The following COL21A1 variants were observed in gnomAD, a reference collection of about 807,000 sequenced individuals.
COL21A1 encodes collagen type XXI alpha 1 chain.
A neutral mutation model predicts 137.9 loss-of-function variants in COL21A1; 149 were observed. That is an observed-to-expected ratio of 1.08 (90% confidence interval 0.95 to 1.24). The LOEUF is 1.24. Ranked by LOEUF, COL21A1 falls within the 50% of genes most tolerant of loss-of-function variation. The pLI, the probability that COL21A1 is intolerant of heterozygous loss-of-function variation, is 0.00. For missense variants in COL21A1, 1,167 were observed against 1,158.4 expected, an observed-to-expected ratio of 1.01 and a Z score of -0.11; for synonymous variants, 456 against 391.5, an observed-to-expected ratio of 1.16 and a Z score of -1.95.
At chr6:56,241,293 C>T (rs1423982915) in intron 1 of COL21A1, among the ~76,000 whole-genome samples, 6 of 152,178 alleles carry the variant, frequency 3.9e-5, no homozygotes, top group Non-Finnish European at 8.8e-5. Flanking sequence ...AGATCACTCT[C>T]TGTAAGCCAG....
chr6:56,064,750 A>G lies in COL21A1; in HGVS notation c.2128-128T>C, dbSNP rs961676780. ...ACAAAAGCAGCGATACAAATATATAAATTATGTGAGAGATGGGAAAATCAG... is the reference window on the plus strand; with the variant it reads ...ACAAAAGCAGCGATACAAATATATAGATTATGTGAGAGATGGGAAAATCAG... On this transcript the variant is annotated intron_variant, in intron 23 of 29. Coordinates refer to ENST00000244728, the MANE Select transcript of COL21A1 (RefSeq NM_030820.4). The G allele has an allele frequency of 7.6e-6, 4 of 528,230 alleles. No homozygotes were observed. The East Asian group carries it at 1.3e-4, about 18-fold the overall frequency. 32.7% of individuals were successfully genotyped at this position (528,230 alleles called of 1,614,324 possible).
intron 17 of COL21A1, among the ~76,000 whole-genome samples, chr6:56,090,179 C>T (rs1768665569): frequency 1.3e-5 from 2 of 152,172 alleles, no homozygotes; most frequent in Admixed American, 6.5e-5. Flanking sequence ...GCAGAGGTTG[C>T]AGTGAGTCAA....
chr6:56,151,816 C>T (rs1315053702), intron 10 of COL21A1, among the ~76,000 whole-genome samples: 2 of 152,330 alleles, frequency 1.3e-5, no homozygotes, highest in South Asian at 2.1e-4. Context: ...CCACTGGGTG[C>T]TGGCCTTGAA....
intron 1 of COL21A1, among the ~76,000 whole-genome samples, chr6:56,391,650 T>C (rs909740049): frequency 2.0e-5 from 3 of 152,162 alleles, no homozygotes; most frequent in Non-Finnish European, 4.4e-5. Flanking sequence ...GAGACCATTA[T>C]GAGCAACCAC....
At chr6:56,314,822 T>C (rs535240152) in intron 1 of COL21A1, among the ~76,000 whole-genome samples, 2 of 152,302 alleles carry the variant, frequency 1.3e-5, no homozygotes, top group East Asian at 3.9e-4. Flanking sequence ...GTTTCCCTTG[T>C]AATTTTGAAT....
Position 56,141,970 on chromosome 6 carries a change from A to AT in COL21A1, c.1447dup (p.Ile483AsnfsTer31). 1 of 1,534,466 alleles carries AT rather than the reference A, an allele frequency of 6.5e-7. No individual in the cohort carries two copies. The highest frequency in any genetic ancestry group is 8.8e-7 in the Non-Finnish European group (1 of 1,135,378). On this transcript the variant is annotated frameshift_variant, in exon 11 of 30. Transcript: ENST00000244728. LOFTEE classifies it high-confidence loss of function. ...TCCTGGAACACCTGGTGTCCCTGCAATTCCCTGATATCCCTAAAGAAAAAT... is the reference window on the plus strand; with the variant it reads ...TCCTGGAACACCTGGTGTCCCTGCAATTTCCCTGATATCCCTAAAGAAAAAT...
At chr6:56,204,402 T>C (rs1000814235) in intron 1 of COL21A1, among the ~76,000 whole-genome samples, 3 of 152,106 alleles carry the variant, frequency 2.0e-5, no homozygotes, top group Non-Finnish European at 2.9e-5. Flanking sequence ...GCAAGGCCAT[T>C]GCTGCCAGAC....
chr6:56,358,243 T>C (rs1304954065), intron 1 of COL21A1, among the ~76,000 whole-genome samples: 3 of 152,182 alleles, frequency 2.0e-5, no homozygotes, highest in African/African-American at 7.2e-5. Context: ...CAACGAGATG[T>C]AGATGTTCTT....
At chr6:56,290,437 G>T (rs901619449) in intron 1 of COL21A1, among the ~76,000 whole-genome samples, 3 of 150,436 alleles carry the variant, frequency 2.0e-5, no homozygotes, top group Non-Finnish European at 4.4e-5. Flanking sequence ...CCCCCAGATT[G>T]ACAGCCATTG....
intron 12 of COL21A1, among the ~76,000 whole-genome samples, chr6:56,134,612 C>A (rs2152227445): frequency 6.6e-6 from 1 of 152,236 alleles, no homozygotes; most frequent in East Asian, 1.9e-4. Context: ...TTGGCTATGT[C>A]CCCACCCAAA....
chr6:56,316,585 G>A (rs1764743809), intron 1 of COL21A1, among the ~76,000 whole-genome samples: 1 of 139,202 alleles, frequency 7.2e-6, no homozygotes, highest in African/African-American at 2.6e-5. Context: ...AGGTTCAAGT[G>A]ATTCTTGTGC....
intron 1 of COL21A1, among the ~76,000 whole-genome samples, chr6:56,258,608 T>C (rs1312625291): frequency 6.6e-6 from 1 of 152,138 alleles, no homozygotes; most frequent in Non-Finnish European, 1.5e-5. Flanking sequence ...CCCACACACA[T>C]GCACTCTATT....
At chr6:56,134,698 G>T (rs933956876) in intron 12 of COL21A1, among the ~76,000 whole-genome samples, 4 of 152,204 alleles carry the variant, frequency 2.6e-5, no homozygotes, top group African/African-American at 9.6e-5. Flanking sequence ...ATCATGGGGT[G>T]GGTCTTTCCT....
chr6:56,371,997 G>T (rs1244147392), intron 1 of COL21A1, among the ~76,000 whole-genome samples: 1 of 152,110 alleles, frequency 6.6e-6, no homozygotes, highest in African/African-American at 2.4e-5. Flanking sequence ...CAAAGTGAAG[G>T]GGGACAAGGC....
chr6:56,141,907 A>T (rs1396263280), intron 11 of COL21A1, 23 bp downstream of exon 11: 1 of 1,572,982 alleles, frequency 6.4e-7, no homozygotes, highest in South Asian at 1.1e-5. Context: ...AATTTATAAA[A>T]TGTATATAAG....
intron 9 of COL21A1, among the ~76,000 whole-genome samples, chr6:56,160,614 A>G (rs1776124406): frequency 6.6e-6 from 1 of 152,226 alleles, no homozygotes; most frequent in African/African-American, 2.4e-5. Context: ...AGTTGAAACA[A>G]TTGTACATTT....
intron 17 of COL21A1, among the ~76,000 whole-genome samples, chr6:56,081,943 G>T (rs980692332): frequency 1.3e-5 from 2 of 151,826 alleles, no homozygotes; most frequent in Non-Finnish European, 2.9e-5. Flanking sequence ...TACAAAAAAA[G>T]AGAACAAAGA....
At position 56,060,877 on chromosome 6, in the gene COL21A1, A is replaced by G; in HGVS notation, c.2352+14T>C. ...ATGAAAATGTAATAACTGTGAAAGA[A>G]GCAGAATACATACGGGCTTCCCATC... On this transcript the variant is annotated intron_variant, in intron 26 of 29. Coordinates refer to ENST00000244728, the MANE Select transcript of COL21A1 (RefSeq NM_030820.4). 6.3e-7 allele frequency: 1 copy of G among 1,584,516 alleles called. No individual in the cohort carries two copies.
Position 56,101,495 on chromosome 6 carries a change from G to A in COL21A1, c.1789C>T (p.Gln597Ter). ...GEAGSPGAPG[Q>*]DGTRGEPGIP... The stretch of plus-strand genomic sequence containing the variant: ...ACAGGCTCTCCCCGTGTTCCATCCT[G>A]CCCCGGAGCACCAGGGGATCCTGCT... Residue 597 changes from glutamine to a stop codon, truncating the protein, a stop_gained, in exon 17 of 30, where the codon CAG (glutamine) becomes TAG (stop). Transcript: ENST00000244728. LOFTEE classifies it high-confidence loss of function. 6.3e-7 allele frequency: 1 copy of A among 1,595,460 alleles called. No individual in the cohort carries two copies. Among genetic ancestry groups the A allele is most frequent in the Non-Finnish European group, 8.5e-7 (1 of 1,169,884 alleles).
Sources: allele counts gnomAD v4.1 joint callset (sites outside exome capture counted in the v4.1 genomes callset), GRCh38; gene constraint gnomAD v4.1.1; transcripts MANE v1.5; gene names NCBI Gene and HGNC (gene_info 2026-07-23, HGNC 2026-07-21).